Variants in GSG1L observed in about 807,000 individuals in gnomAD.
GSG1L encodes the protein germ cell-specific gene 1-like protein.
Under a neutral mutation model 42.1 loss-of-function variants are expected in GSG1L, and 24 were observed. That is an observed-to-expected ratio of 0.57 (90% CI 0.41 to 0.80). The LOEUF (loss-of-function observed/expected upper bound fraction) is 0.80. Among genes scored for constraint, GSG1L ranks in the 30% least tolerant of loss-of-function variants. GSG1L has a pLI of 0.00. For synonymous variants in GSG1L, 215 were observed against 203.5 expected (o/e 1.06, Z -0.48); for missense variants, 445 against 472.2 (o/e 0.94, Z 0.53).
At chr16:27,867,450 C>G (rs1429964559) in intron 3 of GSG1L, among the ~76,000 whole-genome samples, 1 of 152,208 alleles carries the variant, frequency 6.6e-6, no homozygotes, top group Non-Finnish European at 1.5e-5. Flanking sequence ...GCTCCCACCT[C>G]TATGGCTCAG....
rs188195234 is a variant in GSG1L at position 27,969,040 on chromosome 16, C to T, written c.350-5837G>A. Among the ~76,000 whole-genome samples the T allele has an allele frequency of 2.9e-3, 445 of 152,116 alleles. 4 individuals are homozygous for T. Among genetic ancestry groups the T allele is most frequent in the African/African-American group, 1.0e-2 (415 of 41,530 alleles). ...AGGAGGACCACTTGAACCCAGGAGG[C>T]GGAGGTTGCAATGAGCTGAGATCGC... On this transcript the variant is annotated intron_variant, in intron 1 of 6. Transcript: ENST00000447459.
intron 2 of GSG1L, among the ~76,000 whole-genome samples, chr16:27,886,685 A>T (rs1289665998): frequency 6.6e-6 from 1 of 152,222 alleles, no homozygotes; most frequent in African/African-American, 2.4e-5. Context: ...GAGAAATGAA[A>T]TTGTGAGGGT....
At chr16:27,970,504 A>G (rs1200920444) in intron 1 of GSG1L, among the ~76,000 whole-genome samples, 2 of 151,480 alleles carry the variant, frequency 1.3e-5, no homozygotes, top group African/African-American at 4.8e-5. Flanking sequence ...CCCAGGAGGC[A>G]GAGGTTGCAG....
chr16:27,850,364 C>T lies in GSG1L; in HGVS notation c.551-5303G>A, dbSNP rs906554863. 3.0e-5 allele frequency: 11 copies of T among 366,174 alleles called. No homozygotes were observed. In the East Asian group the frequency reaches 6.1e-4, roughly 20 times the overall value. 22.7% of individuals were successfully genotyped at this position (366,174 alleles called of 1,614,324 possible). On this transcript the variant is annotated intron_variant, in intron 3 of 6. Transcript: ENST00000447459. ...TTTATATCTAAGCTGGGATAGCAAG[C>T]AAACAGTTGAAGGGCCAGTTCTGCG...
At chr16:28,036,777 C>A in intron 1 of GSG1L, among the ~76,000 whole-genome samples, 1 of 152,258 alleles carries the variant, frequency 6.6e-6, no homozygotes, top group Middle Eastern at 3.4e-3. Context: ...TCTGGGGTCA[C>A]GTAGGAGAAA....
chr16:27,809,311 G>T (rs1302330290), intron 5 of GSG1L, among the ~76,000 whole-genome samples: 1 of 152,164 alleles, frequency 6.6e-6, no homozygotes, highest in African/African-American at 2.4e-5. Flanking sequence ...GCTGAGGCAG[G>T]AGGATTGCTT....
At chr16:27,846,896 G>T (rs2083450245) in intron 3 of GSG1L, among the ~76,000 whole-genome samples, 2 of 149,030 alleles carry the variant, frequency 1.3e-5, no homozygotes, top group Admixed American at 1.4e-4. Context: ...GGCAGAGCTT[G>T]CAGTGAACCG....
chr16:27,910,383 C>T (rs2084374406), intron 2 of GSG1L, among the ~76,000 whole-genome samples: 1 of 152,176 alleles, frequency 6.6e-6, no homozygotes, highest in Non-Finnish European at 1.5e-5. Flanking sequence ...TACTATACTA[C>T]TCATGCTGTT....
Position 28,040,405 on chromosome 16 carries a change from T to G in GSG1L, c.349+22671A>C, listed in dbSNP as rs114195009. Among the ~76,000 whole-genome samples, 1 of 152,330 alleles carries G rather than the reference T, an allele frequency of 6.6e-6. No homozygotes were observed. Among genetic ancestry groups the G allele is most frequent in the South Asian group, 2.1e-4 (1 of 4,826 alleles). On this transcript the variant is annotated intron_variant, in intron 1 of 6. Coordinates refer to ENST00000447459, the MANE Select transcript of GSG1L (RefSeq NM_001109763.2). This position sits in a 1 kb window ranked among gnomAD's most constrained non-coding sequence, Gnocchi z 4.1. ...TTCTTTCACTGTAATTCTCATGCTC[T>G]AAAACCATCTTATTTGCTTATCTGT... is the stretch of plus-strand genomic sequence containing the variant.
intron 2 of GSG1L, among the ~76,000 whole-genome samples, chr16:27,918,195 CT>C (rs1265528292): frequency 3.3e-5 from 5 of 152,156 alleles, no homozygotes; most frequent in Admixed American, 1.3e-4. Flanking sequence ...GAATGTGATG[CT>C]TTGACTGCCG....
chr16:28,003,551 G>A (rs1476667931), intron 1 of GSG1L, among the ~76,000 whole-genome samples: 1 of 152,212 alleles, frequency 6.6e-6, no homozygotes, highest in Non-Finnish European at 1.5e-5. Flanking sequence ...CAGCTCTAGT[G>A]GCCAATCAGC....
At chr16:27,939,998 T>C in intron 2 of GSG1L, among the ~76,000 whole-genome samples, 1 of 151,972 alleles carries the variant, frequency 6.6e-6, no homozygotes, top group East Asian at 1.9e-4. Context: ...ACTTTTTAAA[T>C]AGGCCAGAGA....
At chr16:27,833,943 T>C (rs1032708322) in intron 4 of GSG1L, among the ~76,000 whole-genome samples, 1 of 152,180 alleles carries the variant, frequency 6.6e-6, no homozygotes, top group Non-Finnish European at 1.5e-5. Context: ...TTTCATGTCT[T>C]ATGTATTGCA....
intron 6 of GSG1L, among the ~76,000 whole-genome samples, chr16:27,801,629 G>T (rs572036273): frequency 6.6e-6 from 1 of 152,190 alleles, no homozygotes; most frequent in Non-Finnish European, 1.5e-5. Context: ...TTGATCGGCT[G>T]CTTCTCTAGA....
chr16:28,049,953 CG>C (rs1320875595), intron 1 of GSG1L, among the ~76,000 whole-genome samples: 1 of 152,144 alleles, frequency 6.6e-6, no homozygotes, highest in African/African-American at 2.4e-5. Context: ...GATTTATCTA[CG>C]GTTTAACTTA....
chr16:27,851,996 T>C (rs991793772), intron 3 of GSG1L, among the ~76,000 whole-genome samples: 1 of 152,198 alleles, frequency 6.6e-6, no homozygotes, highest in African/African-American at 2.4e-5. Flanking sequence ...ATCCAGGATC[T>C]CCCCTGCCTC....
chr16:28,004,421 C>T (rs955783865), intron 1 of GSG1L, among the ~76,000 whole-genome samples: 4 of 145,926 alleles, frequency 2.7e-5, no homozygotes, highest in Non-Finnish European at 4.5e-5. Context: ...GAGAGAAGGA[C>T]GGAAATCCAG....
chr16:27,982,313 CTA>C (rs1300246911), intron 1 of GSG1L, among the ~76,000 whole-genome samples: 3 of 152,202 alleles, frequency 2.0e-5, no homozygotes, highest in East Asian at 1.9e-4. Flanking sequence ...CTGCAGTGAG[CTA>C]TGATTGTGCC....
intron 2 of GSG1L, among the ~76,000 whole-genome samples, chr16:27,906,984 T>C (rs181910127): frequency 4.3e-4 from 65 of 152,228 alleles, no homozygotes; most frequent in African/African-American, 1.3e-3. Flanking sequence ...AGACCACCAC[T>C]ACCCCATTCT....
Sources: allele counts gnomAD v4.1 joint callset (sites outside exome capture counted in the v4.1 genomes callset), GRCh38; gene constraint gnomAD v4.1.1; non-coding constraint Gnocchi (gnomAD v3.1); transcripts MANE v1.5; gene names NCBI Gene and HGNC (gene_info 2026-07-23, HGNC 2026-07-21).